Variants in CATSPERB observed in about 807,000 individuals in gnomAD.
The protein encoded by CATSPERB is catsper channel auxiliary subunit beta.
Under a neutral mutation model 128.3 loss-of-function variants are expected in CATSPERB, and 93 were observed. That is an observed-to-expected ratio of 0.72 (90% CI 0.61 to 0.86). The LOEUF (loss-of-function observed/expected upper bound fraction) is 0.86, where lower values mean the gene tolerates loss of function less well. CATSPERB is among the 40% of genes least tolerant of loss of function. The pLI is 0.00. For synonymous variants in CATSPERB, 381 were observed against 448.8 expected (o/e 0.85, Z 1.91); for missense variants, 1,153 against 1,329.5 (o/e 0.87, Z 2.06).
At chr14:91,637,549 C>A (rs79116483) in intron 16 of CATSPERB, among the ~76,000 whole-genome samples, 1 of 152,148 alleles carries the variant, frequency 6.6e-6, no homozygotes, top group South Asian at 2.1e-4. Context: ...AGAGCACAGG[C>A]CCCGGAGCCA....
intron 14 of CATSPERB, 28 bp from the exon 15 acceptor site, chr14:91,660,009 C>A: frequency 1.3e-6 from 2 of 1,541,934 alleles, no homozygotes; most frequent in South Asian, 2.5e-5. Flanking sequence ...TAATACCTTA[C>A]TAAAGGGCTG....
chr14:91,597,731 GT>G (rs1451505653), intron 22 of CATSPERB, among the ~76,000 whole-genome samples: 1 of 152,142 alleles, frequency 6.6e-6, no homozygotes, highest in Non-Finnish European at 1.5e-5. Flanking sequence ...CAGGAATGCA[GT>G]TTGTTTTAAT....
intron 5 of CATSPERB, among the ~76,000 whole-genome samples, chr14:91,718,070 T>C (rs1449848049): frequency 1.3e-5 from 2 of 152,150 alleles, no homozygotes; most frequent in South Asian, 2.1e-4. Flanking sequence ...AAATAAAGAG[T>C]AGAAGTAAAA....
intron 1 of CATSPERB, among the ~76,000 whole-genome samples, chr14:91,731,390 A>G (rs879888470): frequency 5.3e-5 from 8 of 152,178 alleles, no homozygotes; most frequent in African/African-American, 7.2e-5. Context: ...CTTTCAGCTC[A>G]TAGTTAGAGT....
At chr14:91,631,194 C>T (rs1162239390) in intron 17 of CATSPERB, among the ~76,000 whole-genome samples, 1 of 152,222 alleles carries the variant, frequency 6.6e-6, no homozygotes, top group Non-Finnish European at 1.5e-5. Context: ...AGAGTCTTGT[C>T]TATCTTGTTT....
chr14:91,616,747 T>G (rs1893944842), intron 20 of CATSPERB, among the ~76,000 whole-genome samples: 1 of 144,396 alleles, frequency 6.9e-6, no homozygotes, highest in Admixed American at 6.9e-5. Flanking sequence ...TTTTTTTTTT[T>G]TTTTTTTTTT....
chr14:91,586,200 T>C (rs953190899), intron 26 of CATSPERB, among the ~76,000 whole-genome samples: 5 of 152,176 alleles, frequency 3.3e-5, no homozygotes, highest in African/African-American at 1.2e-4. Context: ...TCCAGCCCTC[T>C]TCTCATAGAG....
At position 91,708,126 on chromosome 14, in the gene CATSPERB, T is replaced by G. The variant is rs1202133381; in HGVS notation, c.466+15A>C. ...ATATATGAATTCCATTTTACTTCTG[T>G]CTGTTGGCATTTACCTCGAATAACA... On this transcript the variant is annotated intron_variant, in intron 6 of 26. Transcript: ENST00000256343. The G allele has an allele frequency of 5.1e-6, 8 of 1,556,738 alleles. No homozygotes were observed. Among genetic ancestry groups the G allele is most frequent in the Non-Finnish European group, 7.1e-6 (8 of 1,128,842 alleles).
At chr14:91,586,455 G>A (rs1275284761) in intron 26 of CATSPERB, among the ~76,000 whole-genome samples, 1 of 151,858 alleles carries the variant, frequency 6.6e-6, no homozygotes, top group Non-Finnish European at 1.5e-5. Context: ...TTCTCTCAGG[G>A]TTTTAGAGGT....
intron 10 of CATSPERB, among the ~76,000 whole-genome samples, chr14:91,686,643 G>T (rs1895380399): frequency 6.6e-6 from 1 of 151,976 alleles, no homozygotes; most frequent in Admixed American, 6.6e-5. Flanking sequence ...TAGTTTAATA[G>T]GACTTATTAT....
At chr14:91,662,150 C>CTTTCCTGTTA (rs1894897663) in intron 14 of CATSPERB, among the ~76,000 whole-genome samples, 1 of 152,176 alleles carries the variant, frequency 6.6e-6, no homozygotes, top group East Asian at 1.9e-4. Flanking sequence ...CTGTTTCTCC[C>CTTTCCTGTTA]CATTCCTATC....
intron 5 of CATSPERB, 87 bp from the exon 6 acceptor site, chr14:91,708,323 A>G (rs987919812): frequency 2.6e-6 from 2 of 777,486 alleles, no homozygotes; most frequent in Admixed American, 2.6e-5. Flanking sequence ...ATTACCAACA[A>G]TGATAGCCTT....
chr14:91,687,385 T>C (rs969526895), intron 10 of CATSPERB, among the ~76,000 whole-genome samples: 6 of 152,094 alleles, frequency 3.9e-5, no homozygotes, highest in African/African-American at 1.4e-4. Flanking sequence ...TACCCTTATT[T>C]GATGTGGGGG....
intron 26 of CATSPERB, among the ~76,000 whole-genome samples, chr14:91,581,939 C>G (rs1054157768): frequency 1.3e-5 from 2 of 152,176 alleles, no homozygotes; most frequent in African/African-American, 4.8e-5. Context: ...GGATGACAGG[C>G]TGCTTTAAGG....
At chr14:91,700,002 T>A (rs996425449) in intron 7 of CATSPERB, among the ~76,000 whole-genome samples, 3 of 152,166 alleles carry the variant, frequency 2.0e-5, no homozygotes, top group African/African-American at 7.2e-5. Flanking sequence ...TTTGCATAGG[T>A]GTACATGTGC....
chr14:91,588,185 C>A (rs190677381), intron 24 of CATSPERB, 107 bp from the exon 25 acceptor site: 2 of 676,682 alleles, frequency 3.0e-6, no homozygotes, highest in Non-Finnish European at 5.0e-6. Context: ...TTTACTATTA[C>A]TATTTCATTT....
At chr14:91,589,444 G>T in intron 24 of CATSPERB, 90 bp downstream of exon 24, 1 of 1,303,514 alleles carries the variant, frequency 7.7e-7, no homozygotes, top group Non-Finnish European at 1.0e-6. Flanking sequence ...TCTCTTTTGT[G>T]TGAACAGGCT....
chr14:91,723,972 T>C (rs1384106389), intron 3 of CATSPERB, among the ~76,000 whole-genome samples: 1 of 152,086 alleles, frequency 6.6e-6, no homozygotes, highest in Non-Finnish European at 1.5e-5. Flanking sequence ...AGGTTGAGAG[T>C]GCAGGAGTTT....
chr14:91,662,151 C>G (rs187119515), intron 14 of CATSPERB, among the ~76,000 whole-genome samples: 16 of 152,190 alleles, frequency 1.1e-4, no homozygotes, highest in Admixed American at 1.0e-3. Flanking sequence ...TGTTTCTCCC[C>G]ATTCCTATCC....
Sources: gnomAD v4.1 joint callset for allele counts (sites outside exome capture counted in the v4.1 genomes callset) on GRCh38, gnomAD v4.1.1 for gene constraint, MANE v1.5 for transcripts, NCBI Gene and HGNC (gene_info 2026-07-23, HGNC 2026-07-21) for gene names.